The following NRP2 variants were observed in gnomAD, a reference collection of about 807,000 sequenced individuals.
The protein encoded by NRP2 is neuropilin-2.
A neutral mutation model predicts 110.4 loss-of-function variants in NRP2; 52 were observed. The ratio of observed to expected loss-of-function variants is 0.47; its 90% CI spans 0.38 to 0.59. The LOEUF (loss-of-function observed/expected upper bound fraction) is 0.59, where lower values mean the gene tolerates loss of function less well. Among genes scored for constraint, NRP2 ranks in the 20% least tolerant of loss-of-function variants. NRP2 has a pLI of 0.00. For missense variants in NRP2, 1,049 were observed against 1,203.0 expected, an observed-to-expected ratio of 0.87 and a Z score of 1.89; for synonymous variants, 508 against 468.9, an observed-to-expected ratio of 1.08 and a Z score of -1.08.
rs140982811 is a variant in NRP2 at position 205,722,145 on chromosome 2, CCTCT to C, written c.434-311_434-308del. Reference sequence around the variant, plus strand: ...CTCTGTTCCTCTTTTCAAGAGAATCCCTCTCTCTCTCTCTCTCTCTCTCTCATAC... The same window carrying C: ...CTCTGTTCCTCTTTTCAAGAGAATCCCTCTCTCTCTCTCTCTCTCTCATAC... On this transcript the variant is annotated intron_variant, in intron 3 of 16. Transcript: ENST00000357785. 534 of 220,728 alleles carry C rather than the reference CCTCT, an allele frequency of 2.4e-3. 3 individuals carry two copies. Among genetic ancestry groups the C allele is most frequent in the East Asian group, 9.8e-3 (103 of 10,506 alleles). The allele number at this position is 220,728 out of a possible 1,614,324, so 13.7% of individuals were successfully genotyped here. A position where few individuals can be genotyped will look rare whatever the true frequency, so the allele number is the denominator to read the frequency against.
intron 15 of NRP2, 44 bp downstream of exon 15, chr2:205,766,847 T>C: frequency 6.3e-7 from 1 of 1,577,704 alleles, no homozygotes. Flanking sequence ...TTTGCATGCT[T>C]TTTCCTTCCC....
intron 15 of NRP2, among the ~76,000 whole-genome samples, chr2:205,783,905 G>C (rs1014189074): frequency 7.2e-5 from 11 of 152,050 alleles, no homozygotes; most frequent in Admixed American, 5.2e-4. Flanking sequence ...CAAAAATCCA[G>C]GACCATTGCC....
chr2:205,690,627 C>T (rs953218831), intron 1 of NRP2, among the ~76,000 whole-genome samples: 18 of 124,756 alleles, frequency 1.4e-4, no homozygotes, highest in Middle Eastern at 8.5e-3. Context: ...CACACACACA[C>T]ACAATAGCTG....
chr2:205,740,805 G>A (rs992964481), intron 8 of NRP2, 142 bp downstream of exon 8: 1 of 886,808 alleles, frequency 1.1e-6, no homozygotes, highest in Non-Finnish European at 1.7e-6. Flanking sequence ...ACCAGAGTTT[G>A]TCTTTTCATT....
At chr2:205,756,430 CAT>C (rs1416671602) in intron 12 of NRP2, 1 of 152,160 alleles carries the variant, frequency 6.6e-6, no homozygotes, top group Non-Finnish European at 1.5e-5. Flanking sequence ...GACAAAAACT[CAT>C]AGGGCGGGCA....
chr2:205,759,076 T>G (rs2105910010), intron 12 of NRP2, among the ~76,000 whole-genome samples: 1 of 152,266 alleles, frequency 6.6e-6, no homozygotes, highest in Admixed American at 6.5e-5. Flanking sequence ...AATATCTATG[T>G]GTGGGTGCCA....
Position 205,745,850 on chromosome 2 carries a change from G to A in NRP2, c.1746G>A (p.Gly582=). 2.5e-6 allele frequency: 4 copies of A among 1,614,214 alleles called. No homozygotes were observed. Among genetic ancestry groups the A allele is most frequent in the Non-Finnish European group, 3.4e-6 (4 of 1,180,028 alleles). The change falls in exon 10 of 17, where the codon GGG becomes GGA. Residue 582 remains glycine, a synonymous_variant. Coordinates refer to ENST00000357785, the MANE Select transcript of NRP2 (RefSeq NM_003872.3). ...RVYPERWSPA[G]IGMRLEVLGC... ...ACCCGGAGAGGTGGTCGCCGGCGGG[G>A]ATTGGGATGCGGCTGGAGGTGCTGG... is the stretch of plus-strand genomic sequence containing the variant.
intron 15 of NRP2, chr2:205,777,168 G>A: frequency 2.0e-6 from 2 of 986,026 alleles, no homozygotes; most frequent in Non-Finnish European, 1.2e-6. Flanking sequence ...CTCTGGCTGG[G>A]TTTCTGTTGG....
chr2:205,738,859 G>A (rs184329183), intron 7 of NRP2, among the ~76,000 whole-genome samples: 135 of 152,256 alleles, frequency 8.9e-4, no homozygotes, highest in African/African-American at 3.2e-3. Context: ...ACTGAATATG[G>A]TGGACCAGCG....
At position 205,716,314 on chromosome 2, in the gene NRP2, A is replaced by T. The variant is rs747811301; in HGVS notation, c.373A>T (p.Thr125Ser). ...SSGSMLYIKF[T>S]SDYARQGAGF... ...GGGCTCCATGCTCTACATCAAGTTC[A>T]CCTCCGACTACGCCCGGCAGGGGGC... The change falls in exon 3 of 17, where the codon ACC becomes TCC. Residue 125 changes from threonine (T) to serine (S), a missense_variant. Coordinates refer to ENST00000357785, the MANE Select transcript of NRP2 (RefSeq NM_003872.3). The T allele has an allele frequency of 1.2e-6, 2 of 1,613,752 alleles. No homozygotes were observed. Among genetic ancestry groups the T allele is most frequent in the East Asian group, 4.5e-5 (2 of 44,850 alleles).
intron 1 of NRP2, among the ~76,000 whole-genome samples, chr2:205,692,152 AC>A (rs1464552160): frequency 1.3e-5 from 2 of 152,096 alleles, no homozygotes; most frequent in African/African-American, 4.8e-5. Flanking sequence ...CAGATTTTGA[AC>A]TTTATCATTT....
chr2:205,722,757 A>G, intron 4 of NRP2, 49 bp downstream of exon 4: 5 of 1,478,216 alleles, frequency 3.4e-6, no homozygotes, highest in Non-Finnish European at 4.7e-6. Context: ...TTTGCCTGTT[A>G]ATTGCTTTAG....
At chr2:205,712,345 T>G (rs1347828098) in intron 2 of NRP2, among the ~76,000 whole-genome samples, 1 of 152,216 alleles carries the variant, frequency 6.6e-6, no homozygotes, top group African/African-American at 2.4e-5. Context: ...CTAGTTAATA[T>G]GTCTGTTAGC....
At chr2:205,749,589 A>G in intron 10 of NRP2, 136 bp from the exon 11 acceptor site, 1 of 732,630 alleles carries the variant, frequency 1.4e-6, no homozygotes, top group Non-Finnish European at 2.5e-6. Context: ...TTGACAGCAC[A>G]CAGACATGAC....
rs114020677 is a variant in NRP2 at position 205,791,667 on chromosome 2, A to G, written c.2426-568A>G. On this transcript the variant is annotated intron_variant, in intron 15 of 16. Coordinates refer to ENST00000357785, the MANE Select transcript of NRP2 (RefSeq NM_003872.3). ...GCTAATAGGAAAAATAGACTTGGGA[A>G]GGATGAGAAATATTAGCACAGATAT... Among the ~76,000 whole-genome samples, 351 of 152,364 alleles carry G rather than the reference A, an allele frequency of 2.3e-3. 1 individual carries two copies. The highest frequency in any genetic ancestry group is 8.2e-3 in the African/African-American group (339 of 41,588).
chr2:205,721,164 C>T (rs1003919260), intron 3 of NRP2, among the ~76,000 whole-genome samples: 5 of 152,170 alleles, frequency 3.3e-5, no homozygotes, highest in Non-Finnish European at 7.4e-5. Context: ...AGGCCCCCTA[C>T]AGGAGCTGCG....
chr2:205,768,281 A>T (rs974454410), intron 15 of NRP2: 1 of 152,258 alleles, frequency 6.6e-6, no homozygotes, highest in Admixed American at 6.5e-5. Context: ...GCTGAGAGCC[A>T]AACTGAACGA....
intron 9 of NRP2, 32 bp from the exon 10 acceptor site, chr2:205,745,714 C>G: frequency 6.2e-7 from 1 of 1,613,582 alleles, no homozygotes; most frequent in Non-Finnish European, 8.5e-7. Context: ...GGGTCCCACA[C>G]CAGAAGGGCT....
At chr2:205,785,791 A>G (rs2058229535) in intron 15 of NRP2, among the ~76,000 whole-genome samples, 1 of 152,222 alleles carries the variant, frequency 6.6e-6, no homozygotes, top group Non-Finnish European at 1.5e-5. Context: ...GTTTGCAGTC[A>G]GTATTTCCAA....
Sources: gnomAD v4.1 joint callset for allele counts (sites outside exome capture counted in the v4.1 genomes callset) on GRCh38, gnomAD v4.1.1 for gene constraint, MANE v1.5 for transcripts, NCBI Gene and HGNC (gene_info 2026-07-23, HGNC 2026-07-21) for gene names.